The following FARP1 variants were observed in gnomAD, a reference collection of about 807,000 sequenced individuals.
FARP1 encodes FERM, ARH/RhoGEF and pleckstrin domain protein 1, also known as FERM, ARHGEF and pleckstrin domain-containing protein 1.
A neutral mutation model predicts 128.8 loss-of-function variants in FARP1; 52 were observed. That is an observed-to-expected ratio of 0.40 (90% CI 0.32 to 0.51). The LOEUF (loss-of-function observed/expected upper bound fraction) is 0.51, where lower values mean the gene tolerates loss of function less well. Among genes scored for constraint, FARP1 ranks in the 20% least tolerant of loss-of-function variants. The probability of loss-of-function intolerance (pLI) is 0.45; values close to 1 mark genes in which losing one functional copy is unlikely to be tolerated. For synonymous variants in FARP1, 580 were observed against 551.8 expected (o/e 1.05, Z -0.72); for missense variants, 1,333 against 1,367.9 (o/e 0.97, Z 0.40).
intron 6 of FARP1, chr13:98,382,640 T>C (rs1016194602): frequency 1.3e-5 from 2 of 152,202 alleles, no homozygotes; most frequent in Admixed American, 6.5e-5. Flanking sequence ...TCAACACTCA[T>C]GCGCTTTCAC....
chr13:98,265,429 C>A (rs1010799397), intron 2 of FARP1, among the ~76,000 whole-genome samples: 1 of 146,384 alleles, frequency 6.8e-6, no homozygotes, highest in African/African-American at 2.5e-5. Context: ...ACGCCATTCT[C>A]CTGCCTCAGC....
intron 1 of FARP1, among the ~76,000 whole-genome samples, chr13:98,168,844 G>A (rs1877457921): frequency 1.3e-5 from 2 of 152,246 alleles, no homozygotes; most frequent in South Asian, 4.2e-4. Flanking sequence ...AAATGTTCAG[G>A]TGTCCTGTAC....
chr13:98,315,219 A>G (rs773202522), intron 2 of FARP1, among the ~76,000 whole-genome samples: 1 of 152,046 alleles, frequency 6.6e-6, no homozygotes, highest in Admixed American at 6.5e-5. Flanking sequence ...CAGCCACAGT[A>G]CACCTCAGCC....
At chr13:98,237,825 A>AT (rs923542489) in intron 2 of FARP1, among the ~76,000 whole-genome samples, 188 of 150,146 alleles carry the variant, frequency 1.3e-3, no homozygotes, top group African/African-American at 3.5e-3. Context: ...CATAAGGACC[A>AT]TTTTTTTTTT....
At chr13:98,167,405 C>T (rs374276802) in intron 1 of FARP1, among the ~76,000 whole-genome samples, 3 of 129,756 alleles carry the variant, frequency 2.3e-5, no homozygotes, top group South Asian at 2.5e-4. Context: ...AACAGTTTTA[C>T]TTTTTTTTTT....
intron 2 of FARP1, among the ~76,000 whole-genome samples, chr13:98,297,529 G>T (rs1243880316): frequency 6.6e-6 from 1 of 152,200 alleles, no homozygotes; most frequent in Non-Finnish European, 1.5e-5. Context: ...GAATTACTAT[G>T]ACTACAGCCA....
intron 1 of FARP1, chr13:98,204,246 C>T (rs1282465086): frequency 6.6e-6 from 1 of 152,168 alleles, no homozygotes; most frequent in Non-Finnish European, 1.5e-5. Flanking sequence ...TTTGTTATAA[C>T]CATTACAGTG....
At chr13:98,303,724 T>C (rs1886015316) in intron 2 of FARP1, among the ~76,000 whole-genome samples, 1 of 152,210 alleles carries the variant, frequency 6.6e-6, no homozygotes, top group East Asian at 1.9e-4. Flanking sequence ...CTGGGATATT[T>C]TACTTTAGCC....
intron 6 of FARP1, among the ~76,000 whole-genome samples, chr13:98,380,919 TA>T (rs1430146854): frequency 7.9e-5 from 12 of 151,692 alleles, no homozygotes; most frequent in East Asian, 5.8e-4. Flanking sequence ...AAAAGTAAAT[TA>T]AAAAAAATAA....
chr13:98,400,432 G>A (rs568864403), intron 13 of FARP1: 1 of 152,342 alleles, frequency 6.6e-6, no homozygotes, highest in East Asian at 1.9e-4. Context: ...TTTCATACCT[G>A]TAATCAGTAT....
At chr13:98,448,054 G>C (rs1203374267) in intron 26 of FARP1, 182 bp from the exon 27 acceptor site, 4 of 618,398 alleles carry the variant, frequency 6.5e-6, no homozygotes, top group East Asian at 5.5e-5. Flanking sequence ...GCCCAGGCCA[G>C]TGGGTCTCCA....
intron 12 of FARP1, among the ~76,000 whole-genome samples, chr13:98,394,199 T>C (rs73569803): frequency 0.022 from 3,354 of 152,244 alleles, 150 homozygotes; most frequent in African/African-American, 0.077. Flanking sequence ...TAAGAGACAT[T>C]ATCACTCTTG....
At chr13:98,162,440 C>T (rs1190486715) in intron 1 of FARP1, among the ~76,000 whole-genome samples, 1 of 152,164 alleles carries the variant, frequency 6.6e-6, no homozygotes, top group Non-Finnish European at 1.5e-5. Flanking sequence ...GCCGCTATTC[C>T]TAGCTCGGGG....
chr13:98,412,100 T>C lies in FARP1; in HGVS notation c.1826+66T>C, dbSNP rs1223520503. The C allele has an allele frequency of 2.0e-6, 3 of 1,514,134 alleles. No homozygotes were observed. The African/African-American group carries it at 4.1e-5, about 21-fold the overall frequency. 93.8% of individuals were successfully genotyped at this position (1,514,134 alleles called of 1,614,324 possible). On this transcript the variant is annotated intron_variant, in intron 16 of 26. Transcript: ENST00000319562. ...TCTTGCTTGTGTTATTTTTATGTCG[T>C]CCCTGGGTAGGCAGCAGGCAGGAAC...
At chr13:98,212,159 G>A (rs1389571109) in intron 1 of FARP1, among the ~76,000 whole-genome samples, 3 of 152,142 alleles carry the variant, frequency 2.0e-5, no homozygotes, top group African/African-American at 4.8e-5. Context: ...GGCTTCAAGC[G>A]ATTCTCCTGC....
intron 2 of FARP1, among the ~76,000 whole-genome samples, chr13:98,323,387 C>CTT (rs71792049): frequency 7.5e-6 from 1 of 133,516 alleles, no homozygotes. Flanking sequence ...ATTCACATGG[C>CTT]TTTTTTTTTT....
chr13:98,151,530 T>C (rs1332966161), intron 1 of FARP1, among the ~76,000 whole-genome samples: 1 of 152,138 alleles, frequency 6.6e-6, no homozygotes, highest in African/African-American at 2.4e-5. Context: ...CATTGGTTGA[T>C]TTGAACTGAA....
intron 5 of FARP1, among the ~76,000 whole-genome samples, chr13:98,374,736 A>T (rs751614006): frequency 5.3e-5 from 8 of 152,182 alleles, no homozygotes; most frequent in African/African-American, 9.7e-5. Context: ...TAAAGAAAAA[A>T]GGTTTATTTT....
At chr13:98,313,766 A>T (rs958044310) in intron 2 of FARP1, among the ~76,000 whole-genome samples, 13 of 152,184 alleles carry the variant, frequency 8.5e-5, no homozygotes, top group African/African-American at 3.1e-4. Flanking sequence ...AAGAAGTAAC[A>T]TGGCACAACA....
Sources: gnomAD v4.1 joint callset for allele counts (sites outside exome capture counted in the v4.1 genomes callset) on GRCh38, gnomAD v4.1.1 for gene constraint, MANE v1.5 for transcripts, NCBI Gene and HGNC (gene_info 2026-07-23, HGNC 2026-07-21) for gene names.